ARHGEF6: variants seen among roughly 807,000 people sequenced by gnomAD.
The protein encoded by ARHGEF6 is rho guanine nucleotide exchange factor 6.
A neutral mutation model predicts 70.3 loss-of-function variants in ARHGEF6; 9 were observed. That is an observed-to-expected ratio of 0.13 (90% CI 0.08 to 0.22). The LOEUF (loss-of-function observed/expected upper bound fraction) is 0.22. ARHGEF6 is among the 10% of genes least tolerant of loss of function. The probability of loss-of-function intolerance (pLI) is 1.00; values close to 1 mark genes in which losing one functional copy is unlikely to be tolerated. For synonymous variants in ARHGEF6, 201 were observed against 207.8 expected, an observed-to-expected ratio of 0.97 and a Z score of 0.28; for missense variants, 470 against 563.0, an observed-to-expected ratio of 0.83 and a Z score of 1.67.
chrX:136,675,428 T>C, intron 18 of ARHGEF6, among the ~76,000 whole-genome samples: 1 of 110,856 alleles, frequency 9.0e-6, no homozygotes, highest in Non-Finnish European at 1.9e-5. Flanking sequence ...TTAGCTCCCA[T>C]CAATATACCC....
At chrX:136,725,352 T>A (rs2148636985) in intron 6 of ARHGEF6, among the ~76,000 whole-genome samples, 1 of 106,801 alleles carries the variant, frequency 9.4e-6, no homozygotes, top group African/African-American at 3.6e-5. Context: ...TAAGTCTTTT[T>A]ATCAAATTAT....
chrX:136,668,208 G>C, intron 21 of ARHGEF6, 39 bp from the exon 22 acceptor site: 2 of 1,206,455 alleles, frequency 1.7e-6, no homozygotes. Context: ...CAAACAGAGG[G>C]GGGCCCTTCC....
intron 9 of ARHGEF6, among the ~76,000 whole-genome samples, chrX:136,696,531 T>C (rs1201031384): frequency 1.8e-5 from 2 of 110,343 alleles, no homozygotes; most frequent in South Asian, 7.9e-4. Flanking sequence ...GGTGGGAGGA[T>C]TGCTTGAGCC....
chrX:136,686,263 T>C (rs1472447932), intron 11 of ARHGEF6, among the ~76,000 whole-genome samples: 2 of 110,658 alleles, frequency 1.8e-5, no homozygotes, highest in Non-Finnish European at 3.8e-5. Flanking sequence ...ATTTCTAACA[T>C]ATGCTCAATT....
rs995665958 is a variant in ARHGEF6, at chrX:136,706,840, G to A, written c.1046+68C>T. 5.9e-6 allele frequency: 7 copies of A among 1,182,544 alleles called. No homozygotes were observed. In the African/African-American group the frequency reaches 1.2e-4, roughly 21 times the overall value. On this transcript the variant is annotated intron_variant, in intron 9 of 21. Coordinates refer to ENST00000250617, the MANE Select transcript of ARHGEF6 (RefSeq NM_004840.3). ...ATCAAGAGTCCAACTGAAGACCTTG[G>A]ATTTCCAAATGACGTGGTCCTAAGA...
At chrX:136,673,611 G>A (rs1207289247) in intron 19 of ARHGEF6, among the ~76,000 whole-genome samples, 1 of 110,888 alleles carries the variant, frequency 9.0e-6, no homozygotes, top group Non-Finnish European at 1.9e-5. Context: ...TTTGTAGAAG[G>A]GATGCTTCTG....
At chrX:136,766,997 G>C (rs1303209930) in intron 2 of ARHGEF6, 1 of 510,503 alleles carries the variant, frequency 2.0e-6, no homozygotes, top group Middle Eastern at 1.2e-3. Flanking sequence ...GTGAGGCCCT[G>C]GCAGAGAACG....
chrX:136,761,408 T>G (rs985496410), intron 2 of ARHGEF6, among the ~76,000 whole-genome samples: 3 of 112,511 alleles, frequency 2.7e-5, no homozygotes, highest in African/African-American at 9.7e-5. Context: ...ACTGTCTTTA[T>G]GTAGCCTTCC....
chrX:136,713,530 T>C (rs1569405262), intron 6 of ARHGEF6, among the ~76,000 whole-genome samples, 160 bp from the exon 7 acceptor site: 1 of 112,633 alleles, frequency 8.9e-6, no homozygotes, highest in Non-Finnish European at 1.9e-5. Flanking sequence ...TTTCTTTCAA[T>C]CTAGCAAACT....
In ARHGEF6 at chrX:136,708,748, A is replaced by T; in HGVS notation, c.850T>A (p.Ser284Thr). The change falls in exon 8 of 22, where the codon TCT (serine) becomes ACT (threonine). Residue 284 changes from serine to threonine, a missense_variant. Physicochemically the swap from Ser to Thr is moderately conservative, Grantham distance 58. Around this residue, in one of 3 missense-constraint regions of ARHGEF6, gnomAD observed 379 missense variants for 449.3 expected, o/e 0.84. Transcript: ENST00000250617. ...NNNLSTVEVT[S>T]LLGNFEEVCT... ...ACTTCCTCGAAGTTTCCCAGTAAAG[A>T]TGTAACCTCCACAGTACTCAGACTG... 1.7e-6 allele frequency: 2 copies of T among 1,199,580 alleles called. No individual in the cohort carries two copies. The highest frequency in any genetic ancestry group is 2.3e-4 in the Middle Eastern group (1 of 4,312).
intron 5 of ARHGEF6, among the ~76,000 whole-genome samples, chrX:136,733,700 G>A (rs1684161676): frequency 8.9e-6 from 1 of 112,336 alleles, no homozygotes; most frequent in African/African-American, 3.2e-5. Flanking sequence ...CAACAACGCT[G>A]ACAGGCAGAC....
At chrX:136,727,391 TTCTTTCTCTC>T (rs1455680162) in intron 6 of ARHGEF6, among the ~76,000 whole-genome samples, 13 of 67,215 alleles carry the variant, frequency 1.9e-4, no homozygotes, top group African/African-American at 5.1e-4. Flanking sequence ...CTTTCTTTCT[TTCTTTCTCTC>T]TCTCTCTCTC....
At chrX:136,741,686 C>T (rs1392039877) in intron 5 of ARHGEF6, among the ~76,000 whole-genome samples, 1 of 110,933 alleles carries the variant, frequency 9.0e-6, no homozygotes, top group African/African-American at 3.3e-5. Context: ...CTTCAAGTTC[C>T]ACATGTTTGA....
Position 136,745,220 on chromosome X carries a change from T to TA in ARHGEF6, c.459+2dup. 1.7e-6 allele frequency: 2 copies of TA among 1,211,922 alleles called. No individual in the cohort carries two copies. Among genetic ancestry groups the TA allele is most frequent in the Non-Finnish European group, 2.2e-6 (2 of 895,422 alleles). Reference sequence around the variant, plus strand: ...CAGACGGAGAATTGGGGACTATACTTACCACTGTCTTTGACTGCCTTTGCA... The same window carrying TA: ...CAGACGGAGAATTGGGGACTATACTTAACCACTGTCTTTGACTGCCTTTGCA... On this transcript the variant is annotated splice_region_variant and intron_variant, in intron 4 of 21. Transcript: ENST00000250617.
intron 15 of ARHGEF6, 70 bp downstream of exon 15, chrX:136,680,661 G>A (rs1569389418): frequency 8.7e-7 from 1 of 1,148,257 alleles, no homozygotes; most frequent in Non-Finnish European, 1.2e-6. Context: ...GCTGCTTCTT[G>A]TAAGTCTCCA....
At chrX:136,685,585 TGACAGAACAA>T in intron 12 of ARHGEF6, 82 bp downstream of exon 12, 5 of 1,034,455 alleles carry the variant, frequency 4.8e-6, no homozygotes, top group Non-Finnish European at 6.5e-6. Flanking sequence ...CCAGCCTGAG[TGACAGAACAA>T]GACTCCGTCA....
At chrX:136,696,940 G>C (rs1183815097) in intron 9 of ARHGEF6, among the ~76,000 whole-genome samples, 2 of 111,139 alleles carry the variant, frequency 1.8e-5, no homozygotes, top group Non-Finnish European at 3.8e-5. Flanking sequence ...CTGTGTAAAA[G>C]AGGCTAAATT....
intron 16 of ARHGEF6, among the ~76,000 whole-genome samples, chrX:136,678,276 T>C (rs2076299702): frequency 8.9e-6 from 1 of 112,085 alleles, no homozygotes; most frequent in African/African-American, 3.2e-5. Flanking sequence ...AGATTAGTTT[T>C]GTGAAGGATT....
intron 9 of ARHGEF6, among the ~76,000 whole-genome samples, chrX:136,691,059 CA>C (rs765172120): frequency 1.1e-3 from 99 of 92,548 alleles, no homozygotes; most frequent in Admixed American, 2.7e-3. Flanking sequence ...CAGCAGTGAA[CA>C]AAAAAAAAAA....
Sources: allele counts gnomAD v4.1 joint callset (sites outside exome capture counted in the v4.1 genomes callset), GRCh38; gene constraint gnomAD v4.1.1; regional missense constraint gnomAD v4.1.1; transcripts MANE v1.5; gene names NCBI Gene and HGNC (gene_info 2026-07-23, HGNC 2026-07-21).